Variants in ISYNA1 observed in about 807,000 individuals in gnomAD.
ISYNA1 encodes the protein inositol-3-phosphate synthase 1.
A neutral mutation model predicts 50.3 loss-of-function variants in ISYNA1; 34 were observed. The observed-to-expected ratio is 0.68, with a 90% CI of 0.51 to 0.90. The LOEUF (loss-of-function observed/expected upper bound fraction) is 0.90, where lower values mean the gene tolerates loss of function less well. ISYNA1 is among the 40% of genes least tolerant of loss of function. The pLI, the probability that ISYNA1 is intolerant of heterozygous loss-of-function variation, is 0.00. For synonymous variants in ISYNA1, 396 were observed against 349.9 expected (o/e 1.13, Z -1.47); for missense variants, 718 against 784.8 (o/e 0.91, Z 1.02).
chr19:18,435,543 C>A lies in ISYNA1; in HGVS notation c.1254+20G>T. On this transcript the variant is annotated intron_variant, in intron 9 of 10. Coordinates refer to ENST00000338128, the MANE Select transcript of ISYNA1 (RefSeq NM_016368.5). ...GGCCAAGCCCTGCCTCCCATAGCAG[C>A]CCCTGAAGCCGCGCCGCACCTCACA... is the stretch of plus-strand genomic sequence containing the variant. 6.2e-7 allele frequency: 1 copy of A among 1,603,544 alleles called. No homozygotes were observed.
intron 10 of ISYNA1, 54 bp from the exon 11 acceptor site, chr19:18,435,171 G>A: frequency 6.2e-7 from 1 of 1,600,226 alleles, no homozygotes. Context: ...AGAAAGGGGG[G>A]GTATCCCTGC....
In ISYNA1 at chr19:18,437,644, C is replaced by T; in HGVS notation, c.237G>A (p.Leu79=). ...NNGSTLTAAV[L]ANRLRLSWPT... is the part of the protein sequence containing the mutation. ...GCCAGGACAAACGCAGTCGATTGGC[C>T]AGCACCGCGGCGGTGAGTGTGGAGC... Residue 79 remains leucine (L), a synonymous_variant, in exon 3 of 11, where the codon CTG becomes CTA. Transcript: ENST00000338128. 2 of 1,541,004 alleles carry T rather than the reference C, an allele frequency of 1.3e-6. No individual in the cohort carries two copies. The highest frequency in any genetic ancestry group is 1.7e-6 in the Non-Finnish European group (2 of 1,147,316).
In ISYNA1 at chr19:18,435,416, C is replaced by T. The variant is rs372975698; in HGVS notation, c.1322G>A (p.Ser441Asn). 1 of 1,611,010 alleles carries T rather than the reference C, an allele frequency of 6.2e-7. No individual in the cohort carries two copies. The highest frequency in any genetic ancestry group is 8.5e-7 in the Non-Finnish European group (1 of 1,179,938). The change falls in exon 10 of 11, where the codon AGC becomes AAC. Residue 441 changes from serine to asparagine, a missense_variant. Around this residue, in one of 3 missense-constraint regions of ISYNA1, gnomAD observed 305 missense variants for 292.6 expected, o/e 1.04. Transcript: ENST00000338128. Reference protein sequence around the residue: ...ALLTELCQRVSFCTDMDPEPQ... With the variant: ...ALLTELCQRVNFCTDMDPEPQ... ...CTCGGGGTCCATGTCAGTGCAGAAGCTCACGCGCTGGCACAGCTCGGTCAG... is the reference window on the plus strand; with the variant it reads ...CTCGGGGTCCATGTCAGTGCAGAAGTTCACGCGCTGGCACAGCTCGGTCAG...
At position 18,434,885 on chromosome 19, in the gene ISYNA1, A is replaced by C; in HGVS notation, c.*28T>G. On this transcript the variant is annotated 3_prime_UTR_variant, in exon 11 of 11. Transcript: ENST00000338128. ...GGGTCGTGGGGGGCAGCGGGGAGGA[A>C]GAGCCGAGAAACTGTGTGACCGGGG... The C allele has an allele frequency of 2.6e-5, 42 of 1,591,406 alleles. No individual in the cohort carries two copies. The highest frequency in any genetic ancestry group is 3.3e-5 in the Non-Finnish European group (38 of 1,162,060).
At position 18,437,878 on chromosome 19, in the gene ISYNA1, G is replaced by A; in HGVS notation, c.102C>T (p.Arg34=). ...QYEYRTTRVS[R]EGGVLKVHPT... ...GGTCCACCTTGAGAACGCCACCCTC[G>A]CGGCTGACGCGCGTCGTCCGGTACT... Residue 34 remains arginine, a synonymous_variant, in exon 2 of 11, where the codon CGC becomes CGT. Coordinates refer to ENST00000338128, the MANE Select transcript of ISYNA1 (RefSeq NM_016368.5). The A allele has an allele frequency of 6.2e-7, 1 of 1,611,940 alleles. No homozygotes were observed. Among genetic ancestry groups the A allele is most frequent in the Non-Finnish European group, 8.5e-7 (1 of 1,179,798 alleles).
rs372353337 is a variant in ISYNA1 at position 18,435,062 on chromosome 19, G to A, written c.1528C>T (p.Arg510Cys). 2.5e-6 allele frequency: 4 copies of A among 1,613,502 alleles called. No individual in the cohort carries two copies. The highest frequency in any genetic ancestry group is 1.3e-5 in the African/African-American group (1 of 74,890). The change falls in exon 11 of 11, where the codon CGC becomes TGC. Residue 510 changes from arginine (R) to cysteine (C), a missense_variant. By Grantham distance (180) the Arg-to-Cys change is radical. Transcript: ENST00000338128. ...NHMLLEHKME[R>C]PGPSLKRVGP... ...ACTCGCTTGAGGCTGGGCCCTGGGCGCTCCATTTTGTGTTCCAGGAGCATG... is the reference window on the plus strand; with the variant it reads ...ACTCGCTTGAGGCTGGGCCCTGGGCACTCCATTTTGTGTTCCAGGAGCATG...
Position 18,436,448 on chromosome 19 carries a change from A to G in ISYNA1, c.641T>C (p.Phe214Ser), listed in dbSNP as rs201528272. The change falls in exon 6 of 11, where the codon TTC becomes TCC. Residue 214 changes from phenylalanine (F) to serine (S), a missense_variant. By Grantham distance (155) the Phe-to-Ser change is radical. Coordinates refer to ENST00000338128, the MANE Select transcript of ISYNA1 (RefSeq NM_016368.5). The part of the protein sequence containing the change: ...LEQIRRDIRD[F>S]RSSAGLDKVI... The stretch of plus-strand genomic sequence containing the variant: ...TTTGTCCAGCCCCGCGCTAGACCGG[A>G]AGTCTCGGATGTCCCTGCGGATCTG... 1.4e-5 allele frequency: 22 copies of G among 1,607,898 alleles called. No homozygotes were observed. The highest frequency in any genetic ancestry group is 1.9e-5 in the Non-Finnish European group (22 of 1,179,858).
Position 18,436,230 on chromosome 19 carries a change from C to T in ISYNA1, c.777G>A (p.Ser259=), listed in dbSNP as rs753244762. ...TGGCCACGGCGAAGAGCGTGGAGGG[C>T]GACACCTCCAGACCGAGCTGTGGGC... is the stretch of plus-strand genomic sequence containing the variant. ...LRTIELGLEV[S]PSTLFAVASI... is the part of the protein sequence containing the mutation. The change falls in exon 7 of 11, where the codon TCG becomes TCA. Residue 259 remains serine (S), a synonymous_variant. Coordinates refer to ENST00000338128, the MANE Select transcript of ISYNA1 (RefSeq NM_016368.5). 1.9e-5 allele frequency: 30 copies of T among 1,608,860 alleles called. No individual in the cohort carries two copies. The highest frequency in any genetic ancestry group is 1.6e-4 in the Middle Eastern group (1 of 6,082).
At position 18,435,393 on chromosome 19, in the gene ISYNA1, C is replaced by CG. The variant is rs762209681; in HGVS notation, c.1344dup (p.Glu449ArgfsTer96). ...AGCACGGGGTGGAAGGTCTGCGGCT[C>CG]GGGGTCCATGTCAGTGCAGAAGCTC... On this transcript the variant is annotated frameshift_variant, in exon 10 of 11. Coordinates refer to ENST00000338128, the MANE Select transcript of ISYNA1 (RefSeq NM_016368.5). LOFTEE classifies it high-confidence loss of function. 1.2e-6 allele frequency: 2 copies of CG among 1,611,356 alleles called. No homozygotes were observed. The highest frequency in any genetic ancestry group is 1.7e-6 in the Non-Finnish European group (2 of 1,179,966).
At position 18,436,810 on chromosome 19, in the gene ISYNA1, C is replaced by T. The variant is rs1328705666; in HGVS notation, c.483G>A (p.Leu161=). Residue 161 remains leucine (L), a synonymous_variant, in exon 5 of 11, where the codon CTG becomes CTA. Transcript: ENST00000338128. ...CCATGTGCGGCCACAGTTGCTCCTG[C>T]AGCCCCCAGTCCAGCACCTTCGCGC... is the stretch of plus-strand genomic sequence containing the variant. ...MRRAKVLDWG[L]QEQLWPHMEA... The T allele has an allele frequency of 3.1e-6, 5 of 1,588,760 alleles. No homozygotes were observed. The highest frequency in any genetic ancestry group is 4.3e-6 in the Non-Finnish European group (5 of 1,171,010).
Position 18,434,772 on chromosome 19 carries a change from G to A in ISYNA1, c.*141C>T. 1 of 702,910 alleles carries A rather than the reference G, an allele frequency of 1.4e-6. No homozygotes were observed. 43.5% of individuals were successfully genotyped at this position (702,910 alleles called of 1,614,324 possible). On this transcript the variant is annotated 3_prime_UTR_variant, in exon 11 of 11. Transcript: ENST00000338128. The stretch of plus-strand genomic sequence containing the variant: ...CGCTCAAGAGTCGGGGAAGTAGAGG[G>A]AGGCAGAGTCAGGTCACAGGCCCCA...
At position 18,437,492 on chromosome 19, in the gene ISYNA1, C is replaced by T. The variant is rs1332950102; in HGVS notation, c.282+107G>A. 2.3e-5 allele frequency: 17 copies of T among 730,956 alleles called. No homozygotes were observed. The Admixed American group carries it at 4.7e-4, about 20-fold the overall frequency. 45.3% of individuals were successfully genotyped at this position (730,956 alleles called of 1,614,324 possible). A position where few individuals can be genotyped will look rare whatever the true frequency, so the allele number is the denominator to read the frequency against. ...CCCTCGCCCCGCGGAACCCCACCCC[C>T]TACAGCCCCCCTGGTCCCGCAGAGC... On this transcript the variant is annotated intron_variant, in intron 3 of 10. Transcript: ENST00000338128.
Position 18,435,980 on chromosome 19 carries a change from C to T in ISYNA1, c.975+52G>A, listed in dbSNP as rs911736418. The T allele has an allele frequency of 3.1e-6, 5 of 1,612,626 alleles. No homozygotes were observed. In the East Asian group the frequency reaches 1.1e-4, roughly 36 times the overall value. ...GCCCTGCGGCCCCACAAGCCAGGTG[C>T]TCGCGGCCCAGGCCCCCTTCCTGCA... is the stretch of plus-strand genomic sequence containing the variant. On this transcript the variant is annotated intron_variant, in intron 7 of 10. Coordinates refer to ENST00000338128, the MANE Select transcript of ISYNA1 (RefSeq NM_016368.5).
Position 18,438,113 on chromosome 19 carries a change from C to G in ISYNA1, c.-30G>C. 1.0e-6 allele frequency: 1 copy of G among 1,004,150 alleles called. No homozygotes were observed. The highest frequency in any genetic ancestry group is 1.4e-6 in the Non-Finnish European group (1 of 737,154). The allele number at this position is 1,004,150 out of a possible 1,614,324, so 62.2% of individuals were successfully genotyped here. A position where few individuals can be genotyped will look rare whatever the true frequency, so the allele number is the denominator to read the frequency against. Reference sequence around the variant, plus strand: ...CTCACCGGCGCAGAGTCGACTCAGGCAGCGGCGGCGGACAGCGCGGGCTCT... The same window carrying G: ...CTCACCGGCGCAGAGTCGACTCAGGGAGCGGCGGCGGACAGCGCGGGCTCT... On this transcript the variant is annotated 5_prime_UTR_variant, in exon 1 of 11. Coordinates refer to ENST00000338128, the MANE Select transcript of ISYNA1 (RefSeq NM_016368.5).
rs8101126 is a variant in ISYNA1, at chr19:18,434,611, C to G, written c.*302G>C. ...GCCTTCTGCCACCACACTCTCCACC[C>G]TGTGGTCTTGTTCCGTCCCCGCCCC... On this transcript the variant is annotated 3_prime_UTR_variant, in exon 11 of 11. Transcript: ENST00000338128. The G allele has an allele frequency of 7.3e-6, 4 of 547,090 alleles. No homozygotes were observed. Among genetic ancestry groups the G allele is most frequent in the Non-Finnish European group, 9.7e-6 (3 of 308,234 alleles). 33.9% of individuals were successfully genotyped at this position (547,090 alleles called of 1,614,324 possible).
In ISYNA1 at chr19:18,437,564, AGCCTCCCTACCCACCAC is replaced by A. The variant is rs757075897; in HGVS notation, c.282+18_282+34del. Reference sequence around the variant, plus strand: ...CCCCCGCCCGCAAGGACTCCCACCAAGCCTCCCTACCCACCACGCCCCTCCCGCCCCCACCTTGCGGC... The same window carrying A: ...CCCCCGCCCGCAAGGACTCCCACCAAGCCCCTCCCGCCCCCACCTTGCGGC... On this transcript the variant is annotated intron_variant, in intron 3 of 10. Coordinates refer to ENST00000338128, the MANE Select transcript of ISYNA1 (RefSeq NM_016368.5). 1 of 1,265,998 alleles carries A rather than the reference AGCCTCCCTACCCACCAC, an allele frequency of 7.9e-7. No individual in the cohort carries two copies. Among genetic ancestry groups the A allele is most frequent in the South Asian group, 1.7e-5 (1 of 59,496 alleles). 78.4% of individuals were successfully genotyped at this position (1,265,998 alleles called of 1,614,324 possible). A position where few individuals can be genotyped will look rare whatever the true frequency, so the allele number is the denominator to read the frequency against.
Position 18,437,668 on chromosome 19 carries a change from G to A in ISYNA1, c.213C>T (p.Gly71=), listed in dbSNP as rs1439072522. The A allele has an allele frequency of 2.6e-6, 4 of 1,543,760 alleles. No individual in the cohort carries two copies. In the South Asian group the frequency reaches 4.7e-5, roughly 18 times the overall value. Residue 71 remains glycine (G), a synonymous_variant, in exon 3 of 11, where the codon GGC becomes GGT. Coordinates refer to ENST00000338128, the MANE Select transcript of ISYNA1 (RefSeq NM_016368.5). Reference sequence around the variant, plus strand: ...CCAGCACCGCGGCGGTGAGTGTGGAGCCGTTGTTCCCGCCCCAGCCGACAA... The same window carrying A: ...CCAGCACCGCGGCGGTGAGTGTGGAACCGTTGTTCCCGCCCCAGCCGACAA... The part of the protein sequence containing the change: ...VMLVGWGGNN[G]STLTAAVLAN...
rs569266405 is a variant in ISYNA1 at position 18,434,396 on chromosome 19, C to G, written c.*517G>C. ...GGAGGCCCCACACGAAAGACTCTTA[C>G]CATTTTATTAAAAACGCAAGGACCT... is the stretch of plus-strand genomic sequence containing the variant. On this transcript the variant is annotated 3_prime_UTR_variant, in exon 11 of 11. Coordinates refer to ENST00000338128, the MANE Select transcript of ISYNA1 (RefSeq NM_016368.5). 2.2e-6 allele frequency: 3 copies of G among 1,367,252 alleles called. No homozygotes were observed. The highest frequency in any genetic ancestry group is 3.0e-5 in the Admixed American group (1 of 33,326). The allele number at this position is 1,367,252 out of a possible 1,614,324, so 84.7% of individuals were successfully genotyped here. A position where few individuals can be genotyped will look rare whatever the true frequency, so the allele number is the denominator to read the frequency against.
At chr19:18,435,193 C>T in intron 10 of ISYNA1, 73 bp downstream of exon 10, 1 of 1,596,668 alleles carries the variant, frequency 6.3e-7, no homozygotes, top group Admixed American at 1.7e-5. Flanking sequence ...ACCTACAGCC[C>T]CCCAAGCCCT....
Sources: allele counts gnomAD v4.1 joint callset, GRCh38; gene constraint gnomAD v4.1.1; regional missense constraint gnomAD v4.1.1; transcripts MANE v1.5; gene names NCBI Gene and HGNC (gene_info 2026-07-23, HGNC 2026-07-21).